BEND7: variants seen among roughly 807,000 people sequenced by gnomAD.
BEND7 encodes the protein BEN domain-containing protein 7.
Under a neutral mutation model 50.9 loss-of-function variants are expected in BEND7, and 28 were observed. That is an observed-to-expected ratio of 0.55 (90% confidence interval 0.41 to 0.75). The LOEUF (loss-of-function observed/expected upper bound fraction) is 0.75. BEND7 is among the 30% of genes least tolerant of loss of function. The pLI is 0.00. For synonymous variants in BEND7, 170 were observed against 183.9 expected (o/e 0.92, Z 0.61); for missense variants, 477 against 491.3 (o/e 0.97, Z 0.28).
chr10:13,506,043 G>C (rs1453670701), intron 2 of BEND7, among the ~76,000 whole-genome samples: 1 of 152,072 alleles, frequency 6.6e-6, no homozygotes, highest in African/African-American at 2.4e-5. Flanking sequence ...AAGATCATCG[G>C]GTACAAATTG....
intron 2 of BEND7, among the ~76,000 whole-genome samples, chr10:13,510,868 A>AT (rs1214332800): frequency 6.6e-6 from 1 of 151,998 alleles, no homozygotes; most frequent in African/African-American, 2.4e-5. Flanking sequence ...GTGTGATTGG[A>AT]TTTAAAAAAA....
chr10:13,487,797 A>G (rs2076340606), intron 5 of BEND7, among the ~76,000 whole-genome samples: 1 of 152,108 alleles, frequency 6.6e-6, no homozygotes, highest in Admixed American at 6.6e-5. Flanking sequence ...AGTTGTTAAG[A>G]AAACAGATTT....
chr10:13,522,997 G>A (rs936888771), intron 2 of BEND7, among the ~76,000 whole-genome samples: 2 of 152,186 alleles, frequency 1.3e-5, no homozygotes, highest in African/African-American at 4.8e-5. Context: ...TAGCTCTTAC[G>A]ATTGCTGAAT....
intron 6 of BEND7, among the ~76,000 whole-genome samples, chr10:13,469,811 A>G (rs2074630709): frequency 6.6e-6 from 1 of 152,168 alleles, no homozygotes; most frequent in Non-Finnish European, 1.5e-5. Context: ...TCTTATTGGA[A>G]GCTTGCATAC....
At chr10:13,474,024 G>C (rs571792719) in intron 6 of BEND7, among the ~76,000 whole-genome samples, 2 of 151,732 alleles carry the variant, frequency 1.3e-5, no homozygotes, top group African/African-American at 4.8e-5. Context: ...TGTTAAACTC[G>C]GGGCTGATAT....
At chr10:13,456,966 TC>T (rs2131171675) in intron 6 of BEND7, among the ~76,000 whole-genome samples, 1 of 152,314 alleles carries the variant, frequency 6.6e-6, no homozygotes, top group East Asian at 1.9e-4. Flanking sequence ...TCCAAAAGGT[TC>T]TTGAAGTCCT....
At chr10:13,443,223 G>A (rs1250946307) in intron 8 of BEND7, 1 of 152,632 alleles carries the variant, frequency 6.6e-6, no homozygotes, top group East Asian at 1.9e-4. Flanking sequence ...ATTCAAACAT[G>A]ACAGGTAAGC....
intron 5 of BEND7, among the ~76,000 whole-genome samples, chr10:13,491,968 G>A (rs1464871494): frequency 1.3e-5 from 2 of 151,336 alleles, no homozygotes; most frequent in African/African-American, 2.4e-5. Context: ...CAAATATAGT[G>A]CACTATTAAA....
chr10:13,501,232 G>A (rs1409462499), intron 2 of BEND7, among the ~76,000 whole-genome samples: 1 of 151,914 alleles, frequency 6.6e-6, no homozygotes, highest in Admixed American at 6.6e-5. Flanking sequence ...AAATTAGCCA[G>A]GCGTGGTGGC....
In BEND7 at chr10:13,452,639, A is replaced by G; in HGVS notation, c.1083T>C (p.Cys361=). The change falls in exon 7 of 9, where the codon TGT becomes TGC. Residue 361 remains cysteine (C), a synonymous_variant. Transcript: ENST00000466271. ...GAAGCTTATCCACATGGTTAGCTGT[A>G]CAGTACTTTTCTGTGAAGACTGAAA... ...GAIKVFTEKY[C]TANHVDKLPG... is the part of the protein sequence containing the mutation. 1.2e-6 allele frequency: 2 copies of G among 1,607,248 alleles called. No homozygotes were observed. The highest frequency in any genetic ancestry group is 2.2e-5 in the East Asian group (1 of 44,780).
At position 13,455,904 on chromosome 10, in the gene BEND7, G is replaced by A. The variant is rs1311029691; in HGVS notation, c.1064-3246C>T. Among the ~76,000 whole-genome samples the A allele has an allele frequency of 3.9e-5, 6 of 152,190 alleles. No individual in the cohort carries two copies. In the East Asian group the frequency reaches 7.7e-4, roughly 20 times the overall value. ...GAAGCAGACCACAGACAACTAATACGGCTGCCACGCCACAGACAGGCTACG... is the reference window on the plus strand; with the variant it reads ...GAAGCAGACCACAGACAACTAATACAGCTGCCACGCCACAGACAGGCTACG... On this transcript the variant is annotated intron_variant, in intron 6 of 8. Transcript: ENST00000466271.
intron 6 of BEND7, among the ~76,000 whole-genome samples, chr10:13,469,222 T>G (rs2074556234): frequency 6.6e-6 from 1 of 152,122 alleles, no homozygotes. Context: ...TACTATGAGC[T>G]GACCATGGAG....
chr10:13,522,900 A>G (rs961782461), intron 2 of BEND7, among the ~76,000 whole-genome samples: 1 of 152,224 alleles, frequency 6.6e-6, no homozygotes, highest in Non-Finnish European at 1.5e-5. Flanking sequence ...GGTAACTCAT[A>G]CAGACATGCT....
At chr10:13,452,403 G>T in intron 7 of BEND7, 136 bp downstream of exon 7, 1 of 970,316 alleles carries the variant, frequency 1.0e-6, no homozygotes, top group Non-Finnish European at 1.5e-6. Context: ...CTTTAAGAGA[G>T]CAAATCAGCA....
At chr10:13,486,472 C>T (rs2076231948) in intron 5 of BEND7, among the ~76,000 whole-genome samples, 1 of 152,218 alleles carries the variant, frequency 6.6e-6, no homozygotes, top group Admixed American at 6.5e-5. Context: ...TGGGCCTGAG[C>T]CGCAGTGTGG....
At position 13,448,478 on chromosome 10, in the gene BEND7, G is replaced by A. The variant is rs74122734; in HGVS notation, c.1184-1162C>T. Among the ~76,000 whole-genome samples, 1,316 of 152,272 alleles carry A rather than the reference G, an allele frequency of 8.6e-3. 19 individuals are homozygous for A. Among genetic ancestry groups the A allele is most frequent in the South Asian group, 0.031 (148 of 4,820 alleles). ...TGAGTCAGAAGCAGCCTAAACTAGT[G>A]CTACGTACTTGTTTTTATTGTTGCT... On this transcript the variant is annotated intron_variant, in intron 7 of 8. Coordinates refer to ENST00000466271, the MANE Select transcript of BEND7 (RefSeq NM_001369863.1).
chr10:13,528,388 G>T lies in BEND7; in HGVS notation c.61+85C>A, dbSNP rs570238929. ...CCGGGAAGGACCGGGGGCTCCGGGA[G>T]GGCGCGCCCCCCAGCGTGGACCCCC... On this transcript the variant is annotated intron_variant, in intron 1 of 8. Transcript: ENST00000466271. 1.0e-3 allele frequency: 621 copies of T among 611,112 alleles called. 6 individuals carry two copies. In the African/African-American group the frequency reaches 0.012, roughly 12 times the overall value. The allele number at this position is 611,112 out of a possible 1,614,324, so 37.9% of individuals were successfully genotyped here.
Position 13,519,888 on chromosome 10 carries a change from G to A in BEND7, c.145+6250C>T, listed in dbSNP as rs79443463. Among the ~76,000 whole-genome samples the A allele has an allele frequency of 4.3e-3, 661 of 152,336 alleles. 13 individuals are homozygous for A. The South Asian group carries it at 0.072, about 16-fold the overall frequency. ...AGGAGGCTAGGATGGAGAAGGAGCCGCAGTGAAATGGCAGAGATGAGAATG... is the reference window on the plus strand; with the variant it reads ...AGGAGGCTAGGATGGAGAAGGAGCCACAGTGAAATGGCAGAGATGAGAATG... On this transcript the variant is annotated intron_variant, in intron 2 of 8. Coordinates refer to ENST00000466271, the MANE Select transcript of BEND7 (RefSeq NM_001369863.1).
intron 2 of BEND7, among the ~76,000 whole-genome samples, chr10:13,506,439 A>T (rs1564391116): frequency 1.3e-5 from 2 of 152,152 alleles, no homozygotes; most frequent in Admixed American, 6.5e-5. Context: ...TCTGCGAGCC[A>T]GGAGTTTAAG....
Sources: gnomAD v4.1 joint callset for allele counts (sites outside exome capture counted in the v4.1 genomes callset) on GRCh38, gnomAD v4.1.1 for gene constraint, MANE v1.5 for transcripts, NCBI Gene and HGNC (gene_info 2026-07-23, HGNC 2026-07-21) for gene names.